Variants in MAGI1 observed in about 807,000 individuals in gnomAD.
MAGI1 encodes membrane-associated guanylate kinase, WW and PDZ domain-containing protein 1.
Under a neutral mutation model 139.9 loss-of-function variants are expected in MAGI1, and 58 were observed. The ratio of observed to expected loss-of-function variants is 0.41; its 90% confidence interval spans 0.34 to 0.52. The LOEUF (loss-of-function observed/expected upper bound fraction) is 0.52, where lower values mean the gene tolerates loss of function less well. Ranked by LOEUF, MAGI1 falls within the 20% of genes least tolerant of loss-of-function variation. The pLI is 0.12. For synonymous variants in MAGI1, 812 were observed against 737.9 expected (o/e 1.10, Z -1.63); for missense variants, 1,874 against 1,901.6 (o/e 0.99, Z 0.27).
At chr3:65,489,608 G>A (rs1423824017) in intron 3 of MAGI1, among the ~76,000 whole-genome samples, 4 of 152,102 alleles carry the variant, frequency 2.6e-5, no homozygotes, top group African/African-American at 7.2e-5. Flanking sequence ...GATAGATGTA[G>A]AGATATATAT....
intron 2 of MAGI1, among the ~76,000 whole-genome samples, chr3:65,611,218 AC>A (rs1248840598): frequency 1.4e-5 from 2 of 141,582 alleles, no homozygotes; most frequent in African/African-American, 5.1e-5. Flanking sequence ...CACGTGTAGT[AC>A]TATATACTAT....
chr3:65,498,433 A>G (rs2076956976), intron 2 of MAGI1, among the ~76,000 whole-genome samples: 1 of 152,182 alleles, frequency 6.6e-6, no homozygotes, highest in Non-Finnish European at 1.5e-5. Flanking sequence ...CAACCCCCCA[A>G]AAAAGAAAAA....
At chr3:65,466,985 G>C (rs1950214495) in intron 5 of MAGI1, among the ~76,000 whole-genome samples, 2 of 152,186 alleles carry the variant, frequency 1.3e-5, no homozygotes, top group African/African-American at 4.8e-5. Context: ...TTTGGCTAGA[G>C]AGAGCACGCT....
At chr3:65,964,685 C>G (rs1407580408) in intron 1 of MAGI1, among the ~76,000 whole-genome samples, 6 of 152,226 alleles carry the variant, frequency 3.9e-5, no homozygotes, top group African/African-American at 1.4e-4. Context: ...TTGTTTAGCA[C>G]TAACTCCACT....
intron 1 of MAGI1, among the ~76,000 whole-genome samples, chr3:65,798,881 T>C (rs915250041): frequency 6.6e-6 from 1 of 152,178 alleles, no homozygotes; most frequent in Non-Finnish European, 1.5e-5. Context: ...AACCGGCCTT[T>C]AGGACAGCAT....
intron 1 of MAGI1, among the ~76,000 whole-genome samples, chr3:65,851,519 T>A (rs1192255947): frequency 6.6e-6 from 1 of 151,934 alleles, no homozygotes; most frequent in African/African-American, 2.4e-5. Flanking sequence ...GAGGCCGAGG[T>A]GGGCGGATCA....
intron 1 of MAGI1, among the ~76,000 whole-genome samples, chr3:66,002,630 T>C (rs1258023236): frequency 6.6e-6 from 1 of 152,154 alleles, no homozygotes; most frequent in Non-Finnish European, 1.5e-5. Flanking sequence ...TTCTCCTGCC[T>C]GAGCCTCCCG....
In MAGI1 at chr3:65,442,848, T is replaced by C. The variant is rs779948920; in HGVS notation, c.1080A>G (p.Glu360=). The C allele has an allele frequency of 2.4e-5, 38 of 1,612,600 alleles. No individual in the cohort carries two copies. The Middle Eastern group carries it at 8.2e-4, about 35-fold the overall frequency. ...VHTEELDSEL[E]LPAGWEKIED... is the part of the protein sequence containing the mutation. ...CAATCTTTTCCCAACCAGCAGGCAG[T>C]TCTGAAAAATAAAAGAACATTTAGG... Residue 360 remains glutamate (E), a splice_region_variant and synonymous_variant, in exon 8 of 23, where the codon GAA becomes GAG. Coordinates refer to ENST00000402939, the MANE Select transcript of MAGI1 (RefSeq NM_001033057.2).
At chr3:65,543,315 A>T (rs2079336476) in intron 2 of MAGI1, among the ~76,000 whole-genome samples, 3 of 152,220 alleles carry the variant, frequency 2.0e-5, no homozygotes, top group Admixed American at 2.0e-4. Flanking sequence ...AGTCTAAATT[A>T]GTTCAACCAT....
intron 1 of MAGI1, among the ~76,000 whole-genome samples, chr3:65,887,967 C>A (rs959897376): frequency 6.6e-6 from 1 of 152,166 alleles, no homozygotes; most frequent in South Asian, 2.1e-4. Flanking sequence ...CTCTCAATAA[C>A]TGACTGTATC....
chr3:65,735,607 T>C (rs1179069137), intron 1 of MAGI1, among the ~76,000 whole-genome samples: 1 of 152,040 alleles, frequency 6.6e-6, no homozygotes, highest in South Asian at 2.1e-4. Flanking sequence ...TCCAACCCAG[T>C]GAATGATCCT....
intron 1 of MAGI1, among the ~76,000 whole-genome samples, chr3:65,951,482 T>A (rs2063861078): frequency 1.3e-5 from 2 of 152,214 alleles, no homozygotes; most frequent in Admixed American, 6.5e-5. Context: ...CTCTGAAGTA[T>A]AAATTACGCA....
intron 1 of MAGI1, among the ~76,000 whole-genome samples, chr3:65,877,090 C>T (rs939946520): frequency 2.6e-5 from 4 of 152,112 alleles, no homozygotes; most frequent in Non-Finnish European, 5.9e-5. Context: ...AAACAAAAAC[C>T]TTATCCAAGT....
chr3:65,970,485 G>T (rs4688253), intron 1 of MAGI1, among the ~76,000 whole-genome samples: 25,056 of 151,492 alleles, frequency 0.17, 2,205 homozygotes, highest in East Asian at 0.26. Flanking sequence ...GTGGCTAAAA[G>T]GGTAAATTTT....
intron 1 of MAGI1, among the ~76,000 whole-genome samples, chr3:65,995,670 A>G (rs146323489): frequency 1.3e-3 from 198 of 152,276 alleles, no homozygotes; most frequent in African/African-American, 4.6e-3. Context: ...TGAAGCAGCA[A>G]ATTTAACAAC....
At chr3:65,917,522 T>C (rs2061961790) in intron 1 of MAGI1, among the ~76,000 whole-genome samples, 1 of 152,220 alleles carries the variant, frequency 6.6e-6, no homozygotes, top group African/African-American at 2.4e-5. Flanking sequence ...AAAAGCTTTA[T>C]GTGCAATTAC....
chr3:65,358,955 G>A lies in MAGI1; in HGVS notation c.3635-1823C>T, dbSNP rs1940494963. The A allele has an allele frequency of 6.2e-6, 6 of 974,534 alleles. No individual in the cohort carries two copies. The Admixed American group carries it at 1.0e-4, about 17-fold the overall frequency. The allele number at this position is 974,534 out of a possible 1,614,324, so 60.4% of individuals were successfully genotyped here. On this transcript the variant is annotated intron_variant, in intron 22 of 22. Transcript: ENST00000402939. ...GCGTTGTACTTACAATTCAAAGAAC[G>A]CAGGGTGCTCAGAATGAATTGCCAA...
intron 1 of MAGI1, among the ~76,000 whole-genome samples, chr3:65,663,210 G>A (rs892413698): frequency 3.9e-5 from 6 of 152,274 alleles, no homozygotes; most frequent in Admixed American, 1.3e-4. Context: ...CGCAAATGTT[G>A]GTTATCTGTG....
intron 2 of MAGI1, among the ~76,000 whole-genome samples, chr3:65,505,909 T>G (rs1401586368): frequency 2.0e-5 from 3 of 152,136 alleles, no homozygotes; most frequent in African/African-American, 7.2e-5. Flanking sequence ...AATATTATAA[T>G]TTAGCTGAGG....
Sources: gnomAD v4.1 joint callset for allele counts (sites outside exome capture counted in the v4.1 genomes callset) on GRCh38, gnomAD v4.1.1 for gene constraint, MANE v1.5 for transcripts, NCBI Gene and HGNC (gene_info 2026-07-23, HGNC 2026-07-21) for gene names.